MBD5: variants seen among roughly 807,000 people sequenced by gnomAD.
MBD5 encodes the protein methyl-CpG-binding domain protein 5.
MBD5 carries 13 observed loss-of-function variants against 117.3 expected under a neutral mutation model. That is an observed-to-expected ratio of 0.11 (90% CI 0.07 to 0.18). MBD5 has a LOEUF of 0.18. Among genes scored for constraint, MBD5 ranks in the 10% least tolerant of loss-of-function variants. MBD5 has a pLI of 1.00. For missense variants in MBD5, 1,879 were observed against 2,093.8 expected (o/e 0.90, Z 2.00); for synonymous variants, 727 against 766.4 (o/e 0.95, Z 0.85).
At chr2:148,356,844 T>A (rs1291276517) in intron 4 of MBD5, among the ~76,000 whole-genome samples, 1 of 152,140 alleles carries the variant, frequency 6.6e-6, no homozygotes, top group Non-Finnish European at 1.5e-5. Context: ...GAGACTCCCC[T>A]TTCCTGATCT....
In MBD5 at chr2:148,060,485, A is replaced by C. The variant is rs141542775; in HGVS notation, c.-925+38801A>C. On this transcript the variant is annotated intron_variant, in intron 1 of 13. Coordinates refer to ENST00000642680, the MANE Select transcript of MBD5 (RefSeq NM_001378120.1). ...AGGTTAATTGTATTTGTCTGCTTGCATGTTGCATACACTGTAAACTGATTA... is the reference window on the plus strand; with the variant it reads ...AGGTTAATTGTATTTGTCTGCTTGCCTGTTGCATACACTGTAAACTGATTA... Among the ~76,000 whole-genome samples, 509 of 152,216 alleles carry C rather than the reference A, an allele frequency of 3.3e-3. 1 individual carries two copies. Among genetic ancestry groups the C allele is most frequent in the Non-Finnish European group, 5.8e-3 (393 of 68,002 alleles).
At chr2:148,372,442 A>C in intron 4 of MBD5, among the ~76,000 whole-genome samples, 1 of 152,082 alleles carries the variant, frequency 6.6e-6, no homozygotes, top group East Asian at 1.9e-4. Flanking sequence ...ACACAGCGAA[A>C]AGAATATGTG....
intron 7 of MBD5, among the ~76,000 whole-genome samples, chr2:148,464,953 G>C (rs1291694076): frequency 6.6e-6 from 1 of 151,406 alleles, no homozygotes; most frequent in Non-Finnish European, 1.5e-5. Flanking sequence ...CTGAGTGATA[G>C]AGCAAAACTC....
intron 4 of MBD5, among the ~76,000 whole-genome samples, chr2:148,402,233 C>A (rs998236293): frequency 2.0e-5 from 3 of 152,076 alleles, no homozygotes; most frequent in Non-Finnish European, 4.4e-5. Context: ...TATTTTTTAG[C>A]ATTCATTAAT....
chr2:148,510,689 T>G (rs1271231560), intron 13 of MBD5, among the ~76,000 whole-genome samples: 1 of 152,234 alleles, frequency 6.6e-6, no homozygotes, highest in Admixed American at 6.5e-5. Flanking sequence ...CTAAGGCTAT[T>G]TAGCATGAAA....
chr2:148,093,378 T>C (rs1307927721), intron 1 of MBD5, among the ~76,000 whole-genome samples: 3 of 152,218 alleles, frequency 2.0e-5, no homozygotes, highest in Non-Finnish European at 4.4e-5. Context: ...GAATGTTATT[T>C]GTATTATCAG....
chr2:148,364,966 C>T (rs1703653921), intron 4 of MBD5, among the ~76,000 whole-genome samples: 2 of 152,334 alleles, frequency 1.3e-5, no homozygotes, highest in East Asian at 3.9e-4. Context: ...AGGACGTGAA[C>T]TCAGCTCTGG....
At chr2:148,389,282 AT>A in intron 4 of MBD5, among the ~76,000 whole-genome samples, 1 of 95,884 alleles carries the variant, frequency 1.0e-5, no homozygotes, top group African/African-American at 4.1e-5. Context: ...ATATATATAT[AT>A]ATATATATAT....
chr2:148,396,190 T>C (rs78781696), intron 4 of MBD5, among the ~76,000 whole-genome samples: 2 of 152,236 alleles, frequency 1.3e-5, no homozygotes, highest in East Asian at 3.9e-4. Flanking sequence ...ATCTTCCAGT[T>C]GTCATATCCA....
At chr2:148,344,197 T>C (rs933901828) in intron 4 of MBD5, among the ~76,000 whole-genome samples, 4 of 152,126 alleles carry the variant, frequency 2.6e-5, no homozygotes, top group African/African-American at 9.7e-5. Flanking sequence ...ACCAGTACCA[T>C]GCTCTTTTAG....
chr2:148,486,123 C>G (rs373131170), intron 10 of MBD5, among the ~76,000 whole-genome samples, 173 bp downstream of exon 10: 1 of 152,100 alleles, frequency 6.6e-6, no homozygotes, highest in Non-Finnish European at 1.5e-5. Flanking sequence ...TGAAGGTTTT[C>G]TTTTTTTAAT....
intron 2 of MBD5, among the ~76,000 whole-genome samples, chr2:148,204,196 G>C (rs558514810): frequency 8.5e-5 from 13 of 152,218 alleles, no homozygotes; most frequent in Admixed American, 7.9e-4. Flanking sequence ...TTATGAGCTG[G>C]CCAAACTTAG....
At chr2:148,457,765 C>T (rs1480453796) in intron 4 of MBD5, among the ~76,000 whole-genome samples, 1 of 151,988 alleles carries the variant, frequency 6.6e-6, no homozygotes, top group Non-Finnish European at 1.5e-5. Flanking sequence ...TAGACCAAAA[C>T]TGTATAATGA....
intron 4 of MBD5, among the ~76,000 whole-genome samples, chr2:148,345,212 A>G (rs373515758): frequency 1.3e-4 from 18 of 134,958 alleles, no homozygotes; most frequent in African/African-American, 3.1e-4. Context: ...GTATATATGT[A>G]TATATACACA....
At chr2:148,119,976 C>T (rs755860957) in intron 1 of MBD5, among the ~76,000 whole-genome samples, 2 of 151,514 alleles carry the variant, frequency 1.3e-5, no homozygotes, top group African/African-American at 2.4e-5. Flanking sequence ...TAAAGTGACA[C>T]GAACACAAAA....
In MBD5 at chr2:148,489,675, G is replaced by C; in HGVS notation, c.4043G>C (p.Ser1348Thr). 1 of 1,614,192 alleles carries C rather than the reference G, an allele frequency of 6.2e-7. No homozygotes were observed. The highest frequency in any genetic ancestry group is 1.6e-4 in the Middle Eastern group (1 of 6,062). The change falls in exon 11 of 14, where the codon AGC becomes ACC. Residue 1348 changes from serine (S) to threonine (T), a missense_variant. Ser to Thr is a moderately conservative substitution (Grantham distance 58). Around this residue, in one of 4 missense-constraint regions of MBD5, gnomAD observed 1,666 missense variants for 1,792.2 expected, o/e 0.93. Transcript: ENST00000642680. Reference protein sequence around the residue: ...TTAVNSTTQISPIPALSAMSA... With the variant: ...TTAVNSTTQITPIPALSAMSA... The stretch of plus-strand genomic sequence containing the variant: ...GCAGTCAACAGTACAACTCAGATCA[G>C]CCCCATTCCAGCTCTGAGTGCCATG...
intron 12 of MBD5, among the ~76,000 whole-genome samples, chr2:148,505,359 A>T (rs1321820155): frequency 6.6e-6 from 1 of 152,218 alleles, no homozygotes; most frequent in Non-Finnish European, 1.5e-5. Flanking sequence ...GCAGTCACAC[A>T]AAGATACTTT....
chr2:148,397,751 G>A (rs895709737), intron 4 of MBD5, among the ~76,000 whole-genome samples: 25 of 151,880 alleles, frequency 1.6e-4, no homozygotes, highest in Admixed American at 6.6e-4. Context: ...TGCTGCACCC[G>A]TTAACTCCTC....
intron 1 of MBD5, among the ~76,000 whole-genome samples, chr2:148,081,058 C>T (rs908881734): frequency 1.3e-5 from 2 of 152,072 alleles, no homozygotes; most frequent in African/African-American, 2.4e-5. Context: ...ATTTCATGTA[C>T]CCAAAAGACT....
Sources: gnomAD v4.1 joint callset for allele counts (sites outside exome capture counted in the v4.1 genomes callset) on GRCh38, gnomAD v4.1.1 for gene constraint, gnomAD v4.1.1 regional missense constraint, MANE v1.5 for transcripts, NCBI Gene and HGNC (gene_info 2026-07-23, HGNC 2026-07-21) for gene names.